The following MGAM variants were observed in gnomAD, a reference collection of about 807,000 sequenced individuals.
The protein encoded by MGAM is maltase-glucoamylase.
MGAM carries 253 observed loss-of-function variants against 358.8 expected under a neutral mutation model. That is an observed-to-expected ratio of 0.71 (90% CI 0.64 to 0.78). The LOEUF is 0.78. MGAM is among the 30% of genes least tolerant of loss of function. The pLI is 0.00. For missense variants in MGAM, 3,080 were observed against 3,432.6 expected (o/e 0.90, Z 2.57); for synonymous variants, 1,105 against 1,227.1 (o/e 0.90, Z 2.08).
intron 8 of MGAM, among the ~76,000 whole-genome samples, chr7:142,026,201 T>C (rs1806950104): frequency 7.5e-6 from 1 of 132,860 alleles, no homozygotes; most frequent in Non-Finnish European, 1.5e-5. Context: ...AATTTCTGAC[T>C]TTTTTTTTTT....
In MGAM at chr7:142,061,542, A is replaced by G. The variant is rs1201182742; in HGVS notation, c.4123-1026A>G. Among the ~76,000 whole-genome samples the G allele has an allele frequency of 2.6e-5, 4 of 152,090 alleles. No individual in the cohort carries two copies. In the East Asian group the frequency reaches 7.7e-4, roughly 29 times the overall value. On this transcript the variant is annotated intron_variant, in intron 34 of 70. Transcript: ENST00000475668. ...ATGTTCCCTTTTCTGCCCTTTTTCT[A>G]GACATCTGGGTTCCTACCTGCCCTT...
At chr7:142,045,445 A>C (rs1296636067) in intron 21 of MGAM, among the ~76,000 whole-genome samples, 1 of 111,952 alleles carries the variant, frequency 8.9e-6, no homozygotes, top group Non-Finnish European at 1.6e-5. Flanking sequence ...TATTATATAT[A>C]CCTATAATAC....
At chr7:142,033,533 G>C (rs915118833) in intron 14 of MGAM, among the ~76,000 whole-genome samples, 5 of 152,260 alleles carry the variant, frequency 3.3e-5, no homozygotes, top group African/African-American at 1.2e-4. Flanking sequence ...AATAACTTAT[G>C]AAGGCTTCAA....
intron 3 of MGAM, among the ~76,000 whole-genome samples, chr7:142,010,082 A>C (rs1424923924): frequency 6.6e-6 from 1 of 152,168 alleles, no homozygotes; most frequent in African/African-American, 2.4e-5. Flanking sequence ...TTGGTTGTAA[A>C]TACCATTGTT....
At position 142,084,573 on chromosome 7, in the gene MGAM, C is replaced by T. The variant is rs767431346; in HGVS notation, c.6436C>T (p.Arg2146Cys). ...PYWSLGFQLC[R>C]YGYQNDSEIS... ...CTGGTCTTTGGGGTTCCAGCTGTGT[C>T]GCTATGGCTACCAGAACGACTCTGA... Residue 2146 changes from arginine (R) to cysteine (C), a missense_variant, in exon 54 of 71, where the codon CGC (arginine) becomes TGC (cysteine). Physicochemically the swap from Arg to Cys is radical, Grantham distance 180. Around this residue, in one of 5 missense-constraint regions of MGAM, gnomAD observed 932 missense variants for 1,198.2 expected, o/e 0.78. Coordinates refer to ENST00000475668, the MANE Select transcript of MGAM (RefSeq NM_001365693.1). 1.6e-5 allele frequency: 25 copies of T among 1,556,136 alleles called. 5 individuals are homozygous for T. The highest frequency in any genetic ancestry group is 6.8e-5 in the Admixed American group (4 of 58,432).
intron 1 of MGAM, among the ~76,000 whole-genome samples, chr7:142,005,130 G>A (rs782459716): frequency 4.0e-5 from 6 of 151,870 alleles, no homozygotes; most frequent in Non-Finnish European, 8.8e-5. Flanking sequence ...GCATCCTCAG[G>A]AGAGCAGAAC....
rs1432758902 is a variant in MGAM at position 142,088,820 on chromosome 7, ACCATCTATCTAT to A, written c.6810+2105_6810+2116del. On this transcript the variant is annotated intron_variant, in intron 57 of 70. Transcript: ENST00000475668. ...ATCTATCATTCTATCCTATCTATGT[ACCATCTATCTAT>A]CTATCTATCTATCTATCTATCTATC... 2.1e-4 allele frequency among the ~76,000 whole-genome samples: 17 copies of A among 81,246 alleles called. 2 individuals are homozygous for A. Among genetic ancestry groups the A allele is most frequent in the East Asian group, 1.8e-3 (5 of 2,828 alleles). 53.3% of individuals were successfully genotyped at this position (81,246 alleles called of 152,430 possible). A position where few individuals can be genotyped will look rare whatever the true frequency, so the allele number is the denominator to read the frequency against.
Position 142,099,632 on chromosome 7 carries a change from G to C in MGAM, c.7769G>C (p.Arg2590Thr). 6.2e-7 allele frequency: 1 copy of C among 1,613,982 alleles called. No homozygotes were observed. ...DYYTGVDINA[R>T]GEWKTLPAPL... ...CTCCAGGGTGTGGATATTAATGCAA[G>C]AGGAGAGTGGAAGACCTTGCCAGCC... Residue 2590 changes from arginine to threonine, a missense_variant, in exon 67 of 71, where the codon AGA (arginine) becomes ACA (threonine). By Grantham distance (71) the Arg-to-Thr change is moderately conservative. Coordinates refer to ENST00000475668, the MANE Select transcript of MGAM (RefSeq NM_001365693.1).
At position 142,076,631 on chromosome 7, in the gene MGAM, T is replaced by C. The variant is rs553965695; in HGVS notation, c.5326-28T>C. The stretch of plus-strand genomic sequence containing the variant: ...TCTGTGTATTACAGGCATACCTTTA[T>C]GCATAATTGGAGTTAATTGTTTTGC... On this transcript the variant is annotated intron_variant, in intron 46 of 70. Transcript: ENST00000475668. 25 of 1,483,936 alleles carry C rather than the reference T, an allele frequency of 1.7e-5. 1 individual carries two copies. In the East Asian group the frequency reaches 5.8e-4, roughly 35 times the overall value. 91.9% of individuals were successfully genotyped at this position (1,483,936 alleles called of 1,614,324 possible).
intron 6 of MGAM, among the ~76,000 whole-genome samples, chr7:142,022,034 G>T (rs1806512518): frequency 6.6e-6 from 1 of 151,974 alleles, no homozygotes; most frequent in Non-Finnish European, 1.5e-5. Context: ...TAGTGTTCTG[G>T]TCATGTAGTA....
At chr7:142,088,015 T>C (rs532933267) in intron 57 of MGAM, among the ~76,000 whole-genome samples, 2 of 146,040 alleles carry the variant, frequency 1.4e-5, no homozygotes, top group South Asian at 4.4e-4. Flanking sequence ...GATAAGCTGG[T>C]TTTCAGGGCA....
chr7:142,084,487 C>T lies in MGAM; in HGVS notation c.6382-32C>T. 1.3e-6 allele frequency: 2 copies of T among 1,548,888 alleles called. 1 individual carries two copies. Among genetic ancestry groups the T allele is most frequent in the Non-Finnish European group, 1.8e-6 (2 of 1,127,392 alleles). ...AAAACTTCAATCTGGTGTCTCTGTTCTGAGGACTAATATTTTCTGTCTATT... is the reference window on the plus strand; with the variant it reads ...AAAACTTCAATCTGGTGTCTCTGTTTTGAGGACTAATATTTTCTGTCTATT... On this transcript the variant is annotated intron_variant, in intron 53 of 70. Transcript: ENST00000475668.
intron 64 of MGAM, 27 bp from the exon 65 acceptor site, chr7:142,096,304 G>T (rs758794703): frequency 1.3e-6 from 2 of 1,593,422 alleles, no homozygotes; most frequent in Non-Finnish European, 1.7e-6. Flanking sequence ...GTTGGGCTCT[G>T]TTGGGCACCT....
chr7:142,088,502 A>G (rs937658788), intron 57 of MGAM, among the ~76,000 whole-genome samples: 5 of 141,324 alleles, frequency 3.5e-5, no homozygotes, highest in African/African-American at 1.3e-4. Context: ...TATCATATCT[A>G]TGTATCTACC....
Position 142,090,040 on chromosome 7 carries a change from T to G in MGAM, c.6811-1873T>G, listed in dbSNP as rs1218848485. 2.7e-5 allele frequency among the ~76,000 whole-genome samples: 4 copies of G among 145,734 alleles called. No individual in the cohort carries two copies. In the East Asian group the frequency reaches 8.1e-4, roughly 30 times the overall value. Reference sequence around the variant, plus strand: ...CTGATGGGATCTAGGAATTGCATTTTGTAGCATGCAATGTGCCACAAAAAG... The same window carrying G: ...CTGATGGGATCTAGGAATTGCATTTGGTAGCATGCAATGTGCCACAAAAAG... On this transcript the variant is annotated intron_variant, in intron 57 of 70. Coordinates refer to ENST00000475668, the MANE Select transcript of MGAM (RefSeq NM_001365693.1).
chr7:142,019,424 C>T, intron 4 of MGAM, 105 bp downstream of exon 4: 1 of 1,227,172 alleles, frequency 8.1e-7, no homozygotes, highest in Non-Finnish European at 1.1e-6. Flanking sequence ...GGCCATATAA[C>T]CACATGTGAC....
At chr7:142,043,757 C>T (rs867652281) in intron 21 of MGAM, among the ~76,000 whole-genome samples, 1,343 of 78,804 alleles carry the variant, frequency 0.017, 35 homozygotes, top group Middle Eastern at 0.031. Context: ...ACACATACGA[C>T]ATATAATATA....
At chr7:142,027,453 A>G (rs747673225) in intron 9 of MGAM, among the ~76,000 whole-genome samples, 157 bp from the exon 10 acceptor site, 17 of 152,218 alleles carry the variant, frequency 1.1e-4, no homozygotes, top group Non-Finnish European at 1.9e-4. Flanking sequence ...ACCCTCAAAC[A>G]TTTATGAAGG....
chr7:142,052,618 T>G (rs1411844845), intron 25 of MGAM, among the ~76,000 whole-genome samples, 166 bp from the exon 26 acceptor site: 1 of 152,166 alleles, frequency 6.6e-6, no homozygotes, highest in Non-Finnish European at 1.5e-5. Flanking sequence ...CTTCTTAAGA[T>G]GAATATTTTG....
Sources: gnomAD v4.1 joint callset for allele counts (sites outside exome capture counted in the v4.1 genomes callset) on GRCh38, gnomAD v4.1.1 for gene constraint, gnomAD v4.1.1 regional missense constraint, MANE v1.5 for transcripts, NCBI Gene and HGNC (gene_info 2026-07-23, HGNC 2026-07-21) for gene names.